Variants in KCTD16 observed in about 807,000 individuals in gnomAD.
KCTD16 encodes the protein BTB/POZ domain-containing protein KCTD16.
A neutral mutation model predicts 33.2 loss-of-function variants in KCTD16; 13 were observed. That is an observed-to-expected ratio of 0.39 (90% CI 0.25 to 0.62). KCTD16 has a LOEUF of 0.62. KCTD16 is among the 20% of genes least tolerant of loss of function. The pLI, the probability that KCTD16 is intolerant of heterozygous loss-of-function variation, is 0.50. For synonymous variants in KCTD16, 197 were observed against 195.3 expected (o/e 1.01, Z -0.07); for missense variants, 441 against 525.1 (o/e 0.84, Z 1.57).
intron 3 of KCTD16, among the ~76,000 whole-genome samples, chr5:144,239,606 A>G (rs1483915108): frequency 6.6e-6 from 1 of 152,152 alleles, no homozygotes; most frequent in African/African-American, 2.4e-5. Context: ...CTAGAAACAC[A>G]TAAAATATCA....
chr5:144,308,205 T>G (rs1440174004), intron 3 of KCTD16, among the ~76,000 whole-genome samples: 1 of 152,220 alleles, frequency 6.6e-6, no homozygotes, highest in Non-Finnish European at 1.5e-5. Context: ...GCCCAGGACC[T>G]TGACCCTTTC....
chr5:144,427,956 A>G (rs1043720555), intron 3 of KCTD16, among the ~76,000 whole-genome samples: 11 of 152,068 alleles, frequency 7.2e-5, no homozygotes, highest in African/African-American at 2.7e-4. Flanking sequence ...TACCCCAGCA[A>G]TAGGTTGTGA....
intron 3 of KCTD16, among the ~76,000 whole-genome samples, chr5:144,402,119 G>A (rs2126946976): frequency 6.6e-6 from 1 of 152,316 alleles, no homozygotes; most frequent in African/African-American, 2.4e-5. Flanking sequence ...GTCTTTAGAA[G>A]AACAGGTCAA....
At chr5:144,356,012 CAATT>C (rs1360878663) in intron 3 of KCTD16, among the ~76,000 whole-genome samples, 1 of 152,150 alleles carries the variant, frequency 6.6e-6, no homozygotes, top group Non-Finnish European at 1.5e-5. Flanking sequence ...TTGTAGAACA[CAATT>C]AAGCTGAATT....
intron 3 of KCTD16, among the ~76,000 whole-genome samples, chr5:144,457,895 C>G (rs1298277647): frequency 1.3e-5 from 2 of 152,164 alleles, no homozygotes. Context: ...TATACCGTAA[C>G]TGGTGCATAC....
chr5:144,349,666 C>T (rs868786680), intron 3 of KCTD16, among the ~76,000 whole-genome samples: 2 of 152,278 alleles, frequency 1.3e-5, no homozygotes, highest in Middle Eastern at 3.4e-3. Flanking sequence ...GTGCTAGTCC[C>T]ACTGTTTGCC....
intron 3 of KCTD16, among the ~76,000 whole-genome samples, chr5:144,347,763 A>T (rs1230345856): frequency 6.6e-6 from 1 of 152,166 alleles, no homozygotes; most frequent in Non-Finnish European, 1.5e-5. Flanking sequence ...CCAGGCCCAC[A>T]TCGAGGCTGA....
intron 3 of KCTD16, among the ~76,000 whole-genome samples, chr5:144,441,995 ATTTC>A (rs1317966956): frequency 6.6e-6 from 1 of 152,054 alleles, no homozygotes; most frequent in Non-Finnish European, 1.5e-5. Flanking sequence ...AATATTTTTA[ATTTC>A]TTTCAACAAT....
At chr5:144,440,976 G>A (rs1753693476) in intron 3 of KCTD16, among the ~76,000 whole-genome samples, 1 of 148,936 alleles carries the variant, frequency 6.7e-6, no homozygotes, top group African/African-American at 2.5e-5. Context: ...ACCTGTGAGT[G>A]AGAACATGCG....
intron 3 of KCTD16, among the ~76,000 whole-genome samples, chr5:144,275,837 T>C (rs1370274061): frequency 6.6e-6 from 1 of 152,146 alleles, no homozygotes; most frequent in Non-Finnish European, 1.5e-5. Context: ...TTAAGAACAA[T>C]GTGAAGTGTA....
intron 2 of KCTD16, among the ~76,000 whole-genome samples, chr5:144,201,269 T>C (rs1397013718): frequency 6.6e-6 from 1 of 152,216 alleles, no homozygotes; most frequent in Admixed American, 6.5e-5. Context: ...TTTTCATTTT[T>C]AACCACTGCG....
chr5:144,331,550 AAT>A (rs1356403252), intron 3 of KCTD16, among the ~76,000 whole-genome samples: 3 of 152,188 alleles, frequency 2.0e-5, no homozygotes, highest in Non-Finnish European at 4.4e-5. Flanking sequence ...GCTGTCAAAC[AAT>A]GTGTTACCCT....
Position 144,479,128 on chromosome 5 carries a change from T to G in KCTD16, c.*5014T>G, listed in dbSNP as rs1411375997. 3 of 151,902 alleles carry G rather than the reference T, an allele frequency of 2.0e-5. No homozygotes were observed. Among genetic ancestry groups the G allele is most frequent in the African/African-American group, 7.2e-5 (3 of 41,400 alleles). The allele number at this position is 151,902 out of a possible 1,614,324, so 9.4% of individuals were successfully genotyped here. A position where few individuals can be genotyped will look rare whatever the true frequency, so the allele number is the denominator to read the frequency against. On this transcript the variant is annotated 3_prime_UTR_variant, in exon 4 of 4. Transcript: ENST00000512467. ...AGGAAATTGAAAGTGATCCATAATT[T>G]AATGGTGTATATGGCCCCAAAGGTG...
chr5:144,417,671 C>A (rs1231878122), intron 3 of KCTD16, among the ~76,000 whole-genome samples: 1 of 152,110 alleles, frequency 6.6e-6, no homozygotes, highest in African/African-American at 2.4e-5. Flanking sequence ...ATATCCATTA[C>A]CAAACCCAAG....
At chr5:144,294,093 A>G (rs778364069) in intron 3 of KCTD16, among the ~76,000 whole-genome samples, 4 of 152,036 alleles carry the variant, frequency 2.6e-5, no homozygotes, top group Non-Finnish European at 4.4e-5. Context: ...TGGGAGGCAG[A>G]GGTTGCAGTG....
chr5:144,406,174 A>C, intron 3 of KCTD16, among the ~76,000 whole-genome samples: 1 of 152,174 alleles, frequency 6.6e-6, no homozygotes, highest in East Asian at 1.9e-4. Context: ...TCCCAAAGTG[A>C]TTTCAGCCTA....
intron 2 of KCTD16, among the ~76,000 whole-genome samples, chr5:144,191,813 C>T (rs74864221): frequency 0.23 from 24,608 of 105,618 alleles, 2,222 homozygotes; most frequent in Admixed American, 0.33. Flanking sequence ...CATGGAGCTG[C>T]GTATTTCCAT....
intron 3 of KCTD16, among the ~76,000 whole-genome samples, chr5:144,274,732 T>C (rs1755395460): frequency 6.6e-6 from 1 of 151,922 alleles, no homozygotes; most frequent in African/African-American, 2.4e-5. Flanking sequence ...TCCTTGAGAG[T>C]ATGTTCTTTT....
chr5:144,357,527 G>A (rs937882096), intron 3 of KCTD16, among the ~76,000 whole-genome samples: 1 of 152,162 alleles, frequency 6.6e-6, no homozygotes, highest in Non-Finnish European at 1.5e-5. Context: ...GAATATGCCT[G>A]GTGCCTGGTG....
Sources: gnomAD v4.1 joint callset for allele counts (sites outside exome capture counted in the v4.1 genomes callset) on GRCh38, gnomAD v4.1.1 for gene constraint, MANE v1.5 for transcripts, NCBI Gene and HGNC (gene_info 2026-07-23, HGNC 2026-07-21) for gene names.